Variants in IGSF9B observed in about 807,000 individuals in gnomAD.
IGSF9B encodes the protein protein turtle homolog B.
Under a neutral mutation model 143.7 loss-of-function variants are expected in IGSF9B, and 48 were observed. The ratio of observed to expected loss-of-function variants is 0.33; its 90% CI spans 0.26 to 0.42. The LOEUF is 0.42. IGSF9B is among the 20% of genes least tolerant of loss of function. The pLI is 1.00. For missense variants in IGSF9B, 1,706 were observed against 1,980.0 expected (o/e 0.86, Z 2.63); for synonymous variants, 903 against 833.1 (o/e 1.08, Z -1.44).
chr11:133,900,674 A>C lies in IGSF9B; in HGVS notation c.*8395T>G, dbSNP rs1324635552. The C allele has an allele frequency of 1.3e-5, 2 of 152,498 alleles. No homozygotes were observed. Among genetic ancestry groups the C allele is most frequent in the Non-Finnish European group, 1.5e-5 (1 of 68,036 alleles). 9.4% of individuals were successfully genotyped at this position (152,498 alleles called of 1,614,324 possible). A position where few individuals can be genotyped will look rare whatever the true frequency, so the allele number is the denominator to read the frequency against. ...CCTCCACTCAGTGTCCCAGGATTGG[A>C]GCATCCTATTTGCAATGGCACTTTA... On this transcript the variant is annotated 3_prime_UTR_variant, in exon 20 of 20. Coordinates refer to ENST00000533871, the MANE Select transcript of IGSF9B (RefSeq NM_001277285.4).
At chr11:133,919,328 G>A (rs1332200852) in intron 18 of IGSF9B, among the ~76,000 whole-genome samples, 1 of 152,128 alleles carries the variant, frequency 6.6e-6, no homozygotes, top group Admixed American at 6.5e-5. Flanking sequence ...GGCCGGGGAA[G>A]AAAAGGAGGC....
At chr11:133,936,378 G>A (rs192746229) in intron 5 of IGSF9B, among the ~76,000 whole-genome samples, 184 bp from the exon 6 acceptor site, 11 of 152,150 alleles carry the variant, frequency 7.2e-5, no homozygotes, top group Admixed American at 4.6e-4. Context: ...CCCTGCCCCC[G>A]CACCAGGCTC....
Position 133,903,512 on chromosome 11 carries a change from C to T in IGSF9B, c.*5557G>A, listed in dbSNP as rs974106242. Among the ~76,000 whole-genome samples the T allele has an allele frequency of 6.6e-6, 1 of 152,174 alleles. No individual in the cohort carries two copies. The highest frequency in any genetic ancestry group is 2.4e-5 in the African/African-American group (1 of 41,428). ...ACTGTTCCACCAGAGTATATGGCAA[C>T]CAAGATACCCAGACTCTTCCTTCTC... is the stretch of plus-strand genomic sequence containing the variant. On this transcript the variant is annotated 3_prime_UTR_variant, in exon 20 of 20. Coordinates refer to ENST00000533871, the MANE Select transcript of IGSF9B (RefSeq NM_001277285.4).
Position 133,937,920 on chromosome 11 carries a change from C to A in IGSF9B, c.451G>T (p.Ala151Ser). ...ATGGTGATACTACCACCCTCCTTGG[C>A]CTCGATGTACTGGGGGGGTGTTTCT... is the stretch of plus-strand genomic sequence containing the variant. ...FTETPPQYIE[A>S]KEGGSITMTC... Residue 151 changes from alanine to serine, a missense_variant, in exon 4 of 20, where the codon GCC becomes TCC. Transcript: ENST00000533871. The A allele has an allele frequency of 6.2e-7, 1 of 1,613,164 alleles. No individual in the cohort carries two copies. The highest frequency in any genetic ancestry group is 8.5e-7 in the Non-Finnish European group (1 of 1,179,628).
In IGSF9B at chr11:133,926,270, T is replaced by C. The variant is rs556894177; in HGVS notation, c.1808-305A>G. Among the ~76,000 whole-genome samples the C allele has an allele frequency of 1.4e-3, 210 of 152,340 alleles. 6 individuals are homozygous for C. The highest frequency in any genetic ancestry group is 3.1e-3 in the East Asian group (16 of 5,174). On this transcript the variant is annotated intron_variant, in intron 13 of 19. Coordinates refer to ENST00000533871, the MANE Select transcript of IGSF9B (RefSeq NM_001277285.4). ...TTCTCACAGCACAGCAGTCACTCTT[T>C]CCATTCCCTTCTTGGCCGGGGTTTG...
chr11:133,938,273 A>G (rs773681459), intron 3 of IGSF9B, among the ~76,000 whole-genome samples: 4 of 152,106 alleles, frequency 2.6e-5, no homozygotes, highest in Non-Finnish European at 5.9e-5. Context: ...CTTTGCTACC[A>G]TCCTTCAGTC....
Position 133,956,744 on chromosome 11 carries a change from T to G in IGSF9B, c.11A>C (p.Tyr4Ser). ...CACACTTGCTATGAAAGTGGCCACATACCAAATCATAGTACTACCGCGCCA... is the reference window on the plus strand; with the variant it reads ...CACACTTGCTATGAAAGTGGCCACAGACCAAATCATAGTACTACCGCGCCA... MIW[Y>S]VATFIASVIG... The change falls in exon 1 of 20, where the codon TAT (tyrosine) becomes TCT (serine). Residue 4 changes from tyrosine to serine, a missense_variant. This residue lies in a region of IGSF9B where 171 missense variants were observed against 213.9 expected (regional missense o/e 0.80). Coordinates refer to ENST00000533871, the MANE Select transcript of IGSF9B (RefSeq NM_001277285.4). 1.3e-6 allele frequency: 2 copies of G among 1,529,448 alleles called. No homozygotes were observed. Among genetic ancestry groups the G allele is most frequent in the Non-Finnish European group, 1.8e-6 (2 of 1,137,966 alleles). 94.7% of individuals were successfully genotyped at this position (1,529,448 alleles called of 1,614,324 possible).
chr11:133,917,776 G>A (rs1413265984), intron 18 of IGSF9B, among the ~76,000 whole-genome samples: 2 of 152,142 alleles, frequency 1.3e-5, no homozygotes, highest in Non-Finnish European at 2.9e-5. Context: ...CTGGTGAGGG[G>A]CCAGCCACCC....
rs1417563204 is a variant in IGSF9B at position 133,953,530 on chromosome 11, C to T, written c.64+3161G>A. Reference sequence around the variant, plus strand: ...CAACCTCTGAGTCCAAACCTCCACCCTCCCATCTTCATTACCAAAAGGAAG... The same window carrying T: ...CAACCTCTGAGTCCAAACCTCCACCTTCCCATCTTCATTACCAAAAGGAAG... On this transcript the variant is annotated intron_variant, in intron 1 of 19. Transcript: ENST00000533871. This position sits in a 1 kb window ranked among gnomAD's most constrained non-coding sequence, Gnocchi z 4.2. 6.6e-6 allele frequency among the ~76,000 whole-genome samples: 1 copy of T among 152,240 alleles called. No individual in the cohort carries two copies. The highest frequency in any genetic ancestry group is 6.5e-5 in the Admixed American group (1 of 15,284).
In IGSF9B at chr11:133,952,924, G is replaced by A. The variant is rs533575693; in HGVS notation, c.64+3767C>T. ...TCTAGGAAGCAGGTGGAAGGGGACC[G>A]CTCCCTAAGTACTCTGCACCCCAAC... On this transcript the variant is annotated intron_variant, in intron 1 of 19. Transcript: ENST00000533871. Among the ~76,000 whole-genome samples, 302 of 152,238 alleles carry A rather than the reference G, an allele frequency of 2.0e-3. 7 individuals are homozygous for A. The highest frequency in any genetic ancestry group is 7.5e-4 in the Non-Finnish European group (51 of 68,012).
intron 3 of IGSF9B, among the ~76,000 whole-genome samples, chr11:133,939,004 C>T (rs553598244): frequency 3.3e-5 from 5 of 152,256 alleles, no homozygotes; most frequent in Non-Finnish European, 5.9e-5. Context: ...GAGGCATTCA[C>T]GGGAAGCTTT....
At chr11:133,925,579 T>C (rs1939608743) in intron 14 of IGSF9B, among the ~76,000 whole-genome samples, 160 bp downstream of exon 14, 1 of 152,140 alleles carries the variant, frequency 6.6e-6, no homozygotes, top group African/African-American at 2.4e-5. Flanking sequence ...GTCCAGGCCT[T>C]GGTAGCGAGT....
chr11:133,920,383 T>G lies in IGSF9B; in HGVS notation c.3342A>C (p.Pro1114=). The change falls in exon 18 of 20, where the codon CCA becomes CCC. Residue 1114 remains proline, a synonymous_variant. Transcript: ENST00000533871. ...CCTGCCACTTGGCGGCGGGGGGCGC[T>G]GGGACAGGGCCCCTGCCGGGCGACT... ...AGKSPGRGPV[P]APPAAKWQDR... The G allele has an allele frequency of 1.2e-6, 2 of 1,602,874 alleles. No individual in the cohort carries two copies. Among genetic ancestry groups the G allele is most frequent in the Non-Finnish European group, 8.5e-7 (1 of 1,175,446 alleles).
At position 133,909,027 on chromosome 11, in the gene IGSF9B, G is replaced by T; in HGVS notation, c.*42C>A. ...CCACACAGTGGCCCTCCCTGCCTGA[G>T]CCCAGCAACCTCGCCCCGGGGACAC... On this transcript the variant is annotated 3_prime_UTR_variant, in exon 20 of 20. Coordinates refer to ENST00000533871, the MANE Select transcript of IGSF9B (RefSeq NM_001277285.4). This position sits in a 1 kb window ranked among gnomAD's most constrained non-coding sequence, Gnocchi z 4.2. The T allele has an allele frequency of 6.6e-7, 1 of 1,505,926 alleles. No individual in the cohort carries two copies. The highest frequency in any genetic ancestry group is 8.9e-7 in the Non-Finnish European group (1 of 1,121,336). The allele number at this position is 1,505,926 out of a possible 1,614,324, so 93.3% of individuals were successfully genotyped here.
At chr11:133,919,652 C>T (rs1939471653) in intron 18 of IGSF9B, 90 bp downstream of exon 18, 1 of 855,032 alleles carries the variant, frequency 1.2e-6, no homozygotes, top group Non-Finnish European at 1.6e-6. Context: ...GCCCTGTCGC[C>T]GGGCGGATGG....
In IGSF9B at chr11:133,905,749, G is replaced by C. The variant is rs1020705288; in HGVS notation, c.*3320C>G. Among the ~76,000 whole-genome samples the C allele has an allele frequency of 6.6e-6, 1 of 152,196 alleles. No homozygotes were observed. On this transcript the variant is annotated 3_prime_UTR_variant, in exon 20 of 20. Transcript: ENST00000533871. This position sits in a 1 kb window ranked among gnomAD's most constrained non-coding sequence, Gnocchi z 4.0. ...TCTCCAGGGAAGCTGCTTAGAGGCA[G>C]ACTGGCAGCAGGCAGGGCCACTCCC...
intron 19 of IGSF9B, among the ~76,000 whole-genome samples, chr11:133,911,316 G>A (rs1197743679): frequency 6.6e-6 from 1 of 152,178 alleles, no homozygotes; most frequent in Non-Finnish European, 1.5e-5. Context: ...GGGTAAGGAG[G>A]CTTCACTCCA....
Position 133,908,185 on chromosome 11 carries a change from C to T in IGSF9B, c.*884G>A, listed in dbSNP as rs890961939. Among the ~76,000 whole-genome samples, 1 of 152,276 alleles carries T rather than the reference C, an allele frequency of 6.6e-6. No homozygotes were observed. Among genetic ancestry groups the T allele is most frequent in the Admixed American group, 6.5e-5 (1 of 15,310 alleles). ...GTGCACCAGAGGCTTGCTTTAGCCC[C>T]GCGGCTGAGTTAGCCTCTACTCCTG... On this transcript the variant is annotated 3_prime_UTR_variant, in exon 20 of 20. Transcript: ENST00000533871.
chr11:133,939,899 AAC>A (rs1371582827), intron 3 of IGSF9B, among the ~76,000 whole-genome samples: 2 of 147,608 alleles, frequency 1.4e-5, no homozygotes, highest in South Asian at 4.4e-4. Flanking sequence ...CACATACAGA[AAC>A]ATACACCTTG....
Sources: gnomAD v4.1 joint callset for allele counts (sites outside exome capture counted in the v4.1 genomes callset) on GRCh38, gnomAD v4.1.1 for gene constraint, gnomAD v4.1.1 regional missense constraint, Gnocchi (gnomAD v3.1) non-coding constraint, MANE v1.5 for transcripts, NCBI Gene and HGNC (gene_info 2026-07-23, HGNC 2026-07-21) for gene names.